The following SEL1L variants were observed in gnomAD, a reference collection of about 807,000 sequenced individuals.
The protein encoded by SEL1L is protein sel-1 homolog 1.
Under a neutral mutation model 109.8 loss-of-function variants are expected in SEL1L, and 52 were observed. The observed-to-expected ratio is 0.47, with a 90% CI of 0.38 to 0.60. SEL1L has a LOEUF of 0.60. Among genes scored for constraint, SEL1L ranks in the 20% least tolerant of loss-of-function variants. The probability of loss-of-function intolerance (pLI) is 0.00; values close to 1 mark genes in which losing one functional copy is unlikely to be tolerated. For missense variants in SEL1L, 749 were observed against 962.2 expected (o/e 0.78, Z 2.93); for synonymous variants, 373 against 339.6 (o/e 1.10, Z -1.08).
At chr14:81,501,353 T>C (rs1365346108) in intron 6 of SEL1L, among the ~76,000 whole-genome samples, 1 of 152,168 alleles carries the variant, frequency 6.6e-6, no homozygotes, top group Non-Finnish European at 1.5e-5. Context: ...TGTGGCTTTG[T>C]AAGGTTCTAA....
intron 1 of SEL1L, 150 bp from the exon 2 acceptor site, chr14:81,527,888 T>C: frequency 3.7e-6 from 2 of 547,284 alleles, no homozygotes; most frequent in Non-Finnish European, 6.2e-6. Flanking sequence ...TATTCAGCAA[T>C]TGTTCAGAAA....
At chr14:81,497,559 T>C (rs1007610179) in intron 10 of SEL1L, among the ~76,000 whole-genome samples, 7 of 152,210 alleles carry the variant, frequency 4.6e-5, no homozygotes, top group African/African-American at 1.4e-4. Context: ...GTTTTCATCA[T>C]TGGTGACTCC....
chr14:81,527,181 C>T lies in SEL1L; in HGVS notation c.109-217G>A, dbSNP rs1885145941. Reference sequence around the variant, plus strand: ...AATTTCAACTTAGATGTTACTTCCCCCAGAAGCCTTCCTTAATTCCCAAAG... The same window carrying T: ...AATTTCAACTTAGATGTTACTTCCCTCAGAAGCCTTCCTTAATTCCCAAAG... On this transcript the variant is annotated intron_variant, in intron 2 of 20. Transcript: ENST00000336735. Among the ~76,000 whole-genome samples the T allele has an allele frequency of 2.0e-5, 3 of 152,112 alleles. No homozygotes were observed. In the South Asian group the frequency reaches 6.2e-4, roughly 32 times the overall value.
At chr14:81,489,417 C>T in intron 13 of SEL1L, 103 bp from the exon 14 acceptor site, 1 of 930,664 alleles carries the variant, frequency 1.1e-6, no homozygotes, top group South Asian at 1.4e-5. Flanking sequence ...TATTCAAAAA[C>T]ATGTCTTAGT....
Position 81,471,704 on chromosome 14 carries a change from A to G in SEL1L, c.*5268T>C, listed in dbSNP as rs1903019380. 1 of 152,258 alleles carries G rather than the reference A, an allele frequency of 6.6e-6. No homozygotes were observed. Among genetic ancestry groups the G allele is most frequent in the Non-Finnish European group, 1.5e-5 (1 of 68,042 alleles). 9.4% of individuals were successfully genotyped at this position (152,258 alleles called of 1,614,324 possible). A position where few individuals can be genotyped will look rare whatever the true frequency, so the allele number is the denominator to read the frequency against. On this transcript the variant is annotated 3_prime_UTR_variant, in exon 21 of 21. Transcript: ENST00000336735. Reference sequence around the variant, plus strand: ...TTATGTTTAAAAGAAATTAACCCAGATAAAAAGAATTTGGCCTCTAGGGAA... The same window carrying G: ...TTATGTTTAAAAGAAATTAACCCAGGTAAAAAGAATTTGGCCTCTAGGGAA...
At chr14:81,480,958 A>G (rs1244785620) in intron 19 of SEL1L, among the ~76,000 whole-genome samples, 1 of 150,246 alleles carries the variant, frequency 6.7e-6, no homozygotes, top group African/African-American at 2.5e-5. Context: ...TACCACCGGA[A>G]GAGATCTACC....
intron 19 of SEL1L, among the ~76,000 whole-genome samples, chr14:81,481,015 G>A (rs1903339880): frequency 6.6e-6 from 1 of 151,958 alleles, no homozygotes; most frequent in African/African-American, 2.4e-5. Context: ...AAACCTCAGG[G>A]GCTACCACCG....
chr14:81,495,009 A>G (rs373079990), intron 11 of SEL1L, 72 bp downstream of exon 11: 81 of 1,452,090 alleles, frequency 5.6e-5, no homozygotes, highest in Non-Finnish European at 7.5e-5. Flanking sequence ...GTATTGACTT[A>G]GCAAGAAATA....
intron 18 of SEL1L, among the ~76,000 whole-genome samples, chr14:81,484,709 T>C (rs1566970860): frequency 6.6e-6 from 1 of 152,136 alleles, no homozygotes; most frequent in Admixed American, 6.6e-5. Flanking sequence ...TGAAATGACA[T>C]TCAAAGGTCA....
chr14:81,514,462 C>A (rs575780778), intron 3 of SEL1L, among the ~76,000 whole-genome samples: 1 of 152,144 alleles, frequency 6.6e-6, no homozygotes, highest in Non-Finnish European at 1.5e-5. Flanking sequence ...TTCAAGAATG[C>A]GTTGTTAAGG....
At chr14:81,484,616 G>C (rs944917928) in intron 18 of SEL1L, 28 of 422,182 alleles carry the variant, frequency 6.6e-5, no homozygotes, top group Non-Finnish European at 1.2e-4. Context: ...ATACAGAGAG[G>C]TAAAACCAAG....
At chr14:81,513,770 G>A (rs140866286) in intron 3 of SEL1L, among the ~76,000 whole-genome samples, 1,762 of 152,168 alleles carry the variant, frequency 0.012, 26 homozygotes, top group African/African-American at 0.04. Flanking sequence ...CCAACTCTTC[G>A]GAATTGGGAG....
chr14:81,483,417 G>A (rs1460654329), intron 19 of SEL1L, among the ~76,000 whole-genome samples: 3 of 152,016 alleles, frequency 2.0e-5, no homozygotes, highest in Non-Finnish European at 4.4e-5. Flanking sequence ...AATTCAAAAT[G>A]AATTTATACA....
At position 81,484,241 on chromosome 14, in the gene SEL1L, C is replaced by A; in HGVS notation, c.2030G>T (p.Gly677Val). The A allele has an allele frequency of 6.2e-7, 1 of 1,611,840 alleles. No individual in the cohort carries two copies. The highest frequency in any genetic ancestry group is 8.5e-7 in the Non-Finnish European group (1 of 1,178,238). The change falls in exon 19 of 21, where the codon GGA becomes GTA. Residue 677 changes from glycine (G) to valine (V), a missense_variant. This residue lies in a region of SEL1L where 383 missense variants were observed against 562.5 expected (regional missense o/e 0.68). Coordinates refer to ENST00000336735, the MANE Select transcript of SEL1L (RefSeq NM_005065.6). ...MFNLGYMHEK[G>V]LGIKQDIHLA... ...CACACTCACCTGTTTAATGCCCAGTCCTTTCTCATGCATATATCCCAGATT... is the reference window on the plus strand; with the variant it reads ...CACACTCACCTGTTTAATGCCCAGTACTTTCTCATGCATATATCCCAGATT...
At position 81,489,271 on chromosome 14, in the gene SEL1L, T is replaced by C. The variant is rs1178177670; in HGVS notation, c.1376A>G (p.Tyr459Cys). ...GQSGLGMAYL[Y>C]GRGVQVNYDL... ...ACTTACAACTTGAACTCCTCTCCCA[T>C]AGAGGTAGGCCATTCCAAGCCCACT... is the stretch of plus-strand genomic sequence containing the variant. Residue 459 changes from tyrosine to cysteine, a missense_variant, in exon 14 of 21, where the codon TAT becomes TGT. Transcript: ENST00000336735. 1.9e-6 allele frequency: 3 copies of C among 1,613,958 alleles called. No individual in the cohort carries two copies. Among genetic ancestry groups the C allele is most frequent in the Non-Finnish European group, 2.5e-6 (3 of 1,179,966 alleles).
At chr14:81,516,883 C>A (rs1199117747) in intron 3 of SEL1L, among the ~76,000 whole-genome samples, 1 of 152,164 alleles carries the variant, frequency 6.6e-6, no homozygotes, top group African/African-American at 2.4e-5. Context: ...GACTTCCCCC[C>A]CATGTACCTT....
rs10142009 is a variant in SEL1L, at chr14:81,473,285, C to T, written c.*3687G>A. 16 of 152,238 alleles carry T rather than the reference C, an allele frequency of 1.1e-4. No homozygotes were observed. The highest frequency in any genetic ancestry group is 3.6e-4 in the African/African-American group (15 of 41,544). 9.4% of individuals were successfully genotyped at this position (152,238 alleles called of 1,614,324 possible). A position where few individuals can be genotyped will look rare whatever the true frequency, so the allele number is the denominator to read the frequency against. On this transcript the variant is annotated 3_prime_UTR_variant, in exon 21 of 21. Coordinates refer to ENST00000336735, the MANE Select transcript of SEL1L (RefSeq NM_005065.6). Reference sequence around the variant, plus strand: ...ATTCCCTGCACATAACCAAGGAATCCTTTTCATGCACACAACATTGGACTT... The same window carrying T: ...ATTCCCTGCACATAACCAAGGAATCTTTTTCATGCACACAACATTGGACTT...
chr14:81,499,400 T>C, intron 8 of SEL1L, 59 bp downstream of exon 8: 3 of 1,580,274 alleles, frequency 1.9e-6, no homozygotes, highest in African/African-American at 2.7e-5. Context: ...TTGTGGCCGC[T>C]ATAAACCACA....
rs999756025 is a variant in SEL1L, at chr14:81,472,352, G to C, written c.*4620C>G. ...AGTTGCCACAGTTTGCATCATGTAGGCTTTTTATCCAAGATCCAATGCTTC... is the reference window on the plus strand; with the variant it reads ...AGTTGCCACAGTTTGCATCATGTAGCCTTTTTATCCAAGATCCAATGCTTC... On this transcript the variant is annotated 3_prime_UTR_variant, in exon 21 of 21. Transcript: ENST00000336735. 1 of 207,082 alleles carries C rather than the reference G, an allele frequency of 4.8e-6. No individual in the cohort carries two copies. Among genetic ancestry groups the C allele is most frequent in the Non-Finnish European group, 9.9e-6 (1 of 101,290 alleles). The allele number at this position is 207,082 out of a possible 1,614,324, so 12.8% of individuals were successfully genotyped here.
Sources: allele counts gnomAD v4.1 joint callset (sites outside exome capture counted in the v4.1 genomes callset), GRCh38; gene constraint gnomAD v4.1.1; regional missense constraint gnomAD v4.1.1; transcripts MANE v1.5; gene names NCBI Gene and HGNC (gene_info 2026-07-23, HGNC 2026-07-21).